Variants in RIMS2 observed in about 807,000 individuals in gnomAD.
The protein encoded by RIMS2 is regulating synaptic membrane exocytosis protein 2.
Under a neutral mutation model 174.4 loss-of-function variants are expected in RIMS2, and 59 were observed. That is an observed-to-expected ratio of 0.34 (90% CI 0.27 to 0.42). The LOEUF (loss-of-function observed/expected upper bound fraction) is 0.42. Ranked by LOEUF, RIMS2 falls within the 10% of genes least tolerant of loss-of-function variation. The pLI, the probability that RIMS2 is intolerant of heterozygous loss-of-function variation, is 1.00. For synonymous variants in RIMS2, 606 were observed against 572.5 expected (o/e 1.06, Z -0.84); for missense variants, 1,620 against 1,666.3 (o/e 0.97, Z 0.48).
chr8:103,909,664 T>C (rs1329415512), intron 4 of RIMS2, among the ~76,000 whole-genome samples: 1 of 152,098 alleles, frequency 6.6e-6, no homozygotes, highest in Non-Finnish European at 1.5e-5. Context: ...TGACTTTTAA[T>C]TATTTGGCTT....
intron 11 of RIMS2, among the ~76,000 whole-genome samples, chr8:103,930,499 G>A (rs1389048049): frequency 6.6e-6 from 1 of 152,118 alleles, no homozygotes; most frequent in Non-Finnish European, 1.5e-5. Context: ...GTGTGCAGGT[G>A]TGAGGTATGT....
intron 2 of RIMS2, among the ~76,000 whole-genome samples, chr8:103,754,883 T>C (rs2097959169): frequency 2.6e-5 from 4 of 152,194 alleles, no homozygotes; most frequent in Admixed American, 2.6e-4. Flanking sequence ...CTCTATCCAA[T>C]TTGCCAGTCT....
chr8:103,745,473 G>A (rs1459833643), intron 2 of RIMS2, among the ~76,000 whole-genome samples: 2 of 152,162 alleles, frequency 1.3e-5, no homozygotes, highest in Non-Finnish European at 2.9e-5. Context: ...AATTATCTTG[G>A]ATATTACCTA....
At chr8:103,989,020 C>CAT (rs549265670) in intron 16 of RIMS2, among the ~76,000 whole-genome samples, 34 of 152,222 alleles carry the variant, frequency 2.2e-4, no homozygotes, top group African/African-American at 8.2e-4. Context: ...GGTAGTCATC[C>CAT]ATATGATGGT....
intron 19 of RIMS2, among the ~76,000 whole-genome samples, chr8:104,062,529 A>T (rs889338309): frequency 1.3e-5 from 2 of 152,186 alleles, no homozygotes; most frequent in African/African-American, 4.8e-5. Flanking sequence ...CATATTAGCA[A>T]TTTCTATACT....
chr8:104,249,686 A>G (rs764467752), intron 22 of RIMS2, 98 bp downstream of exon 28: 25 of 685,444 alleles, frequency 3.6e-5, no homozygotes, highest in Non-Finnish European at 5.9e-5. Flanking sequence ...TAGTTAATCA[A>G]GATTACTAAT....
At chr8:104,244,933 C>T in exon 20 of RIMS2, 2 of 1,613,522 alleles carry the variant, frequency 1.2e-6, no homozygotes, top group Non-Finnish European at 1.7e-6. Context: ...AGGTAAAAAA[C>T]TAAGGAGCAC....
At chr8:103,954,841 A>T (rs1474815732) in intron 14 of RIMS2, among the ~76,000 whole-genome samples, 2 of 152,126 alleles carry the variant, frequency 1.3e-5, no homozygotes, top group Non-Finnish European at 2.9e-5. Context: ...GACAAACAAA[A>T]CAGACTACTA....
intron 1 of RIMS2, among the ~76,000 whole-genome samples, chr8:103,625,125 T>C (rs930391674): frequency 6.6e-6 from 1 of 152,032 alleles, no homozygotes; most frequent in Non-Finnish European, 1.5e-5. Flanking sequence ...GGGAAGGAGG[T>C]TGGATATGTA....
intron 19 of RIMS2, among the ~76,000 whole-genome samples, chr8:104,128,359 A>G (rs2098447998): frequency 6.6e-6 from 1 of 152,230 alleles, no homozygotes; most frequent in Non-Finnish European, 1.5e-5. Context: ...TAAATAAATA[A>G]TGAGTTTTAC....
intron 1 of RIMS2, among the ~76,000 whole-genome samples, chr8:103,560,399 T>C (rs2091397290): frequency 1.3e-5 from 2 of 151,830 alleles, no homozygotes; most frequent in Non-Finnish European, 2.9e-5. Context: ...AAAAGAAAAA[T>C]AGCTAAGTTT....
chr8:103,948,160 T>G (rs1266197638), intron 14 of RIMS2, among the ~76,000 whole-genome samples: 8 of 152,140 alleles, frequency 5.3e-5, no homozygotes, highest in Non-Finnish European at 1.0e-4. Context: ...CCCACTAGAA[T>G]GAATGTAATA....
At chr8:103,900,012 C>T (rs2154523982) in intron 4 of RIMS2, among the ~76,000 whole-genome samples, 1 of 151,738 alleles carries the variant, frequency 6.6e-6, no homozygotes, top group South Asian at 2.1e-4. Flanking sequence ...TCAGGTTTAT[C>T]AAAGATCAGA....
chr8:104,220,421 G>T (rs1243013453), intron 19 of RIMS2, among the ~76,000 whole-genome samples: 5 of 151,978 alleles, frequency 3.3e-5, no homozygotes, highest in Non-Finnish European at 7.4e-5. Context: ...CACAGACAAG[G>T]CAGGGCCCAG....
At chr8:104,000,862 G>A (rs1321916775) in intron 17 of RIMS2, among the ~76,000 whole-genome samples, 1 of 151,810 alleles carries the variant, frequency 6.6e-6, no homozygotes, top group Admixed American at 6.6e-5. Flanking sequence ...GTCTTCTTTT[G>A]AGAAATGTCT....
intron 3 of RIMS2, among the ~76,000 whole-genome samples, chr8:103,802,575 T>C (rs1277099811): frequency 7.9e-5 from 12 of 150,950 alleles, no homozygotes; most frequent in African/African-American, 2.9e-4. Context: ...AATGTAGAAG[T>C]GTTTATTTAG....
intron 3 of RIMS2, among the ~76,000 whole-genome samples, chr8:103,813,476 A>C (rs1480362911): frequency 1.3e-5 from 2 of 151,042 alleles, no homozygotes; most frequent in African/African-American, 4.9e-5. Flanking sequence ...ACATGTATAC[A>C]TGTGCCATGT....
chr8:104,204,189 A>G (rs1587317592), intron 19 of RIMS2, among the ~76,000 whole-genome samples: 1 of 152,380 alleles, frequency 6.6e-6, no homozygotes, highest in South Asian at 2.1e-4. Flanking sequence ...TAAAATATAC[A>G]TATATATGGT....
intron 3 of RIMS2, among the ~76,000 whole-genome samples, chr8:103,793,832 A>C (rs549084938): frequency 1.3e-5 from 2 of 152,224 alleles, no homozygotes; most frequent in Admixed American, 6.5e-5. Flanking sequence ...CCCATTCATA[A>C]TTACTACAAA....
Sources: gnomAD v4.1 joint callset for allele counts (sites outside exome capture counted in the v4.1 genomes callset) on GRCh38, gnomAD v4.1.1 for gene constraint, MANE v1.5 for transcripts, NCBI Gene and HGNC (gene_info 2026-07-23, HGNC 2026-07-21) for gene names.